HECW1: variants seen among roughly 807,000 people sequenced by gnomAD.
The protein encoded by HECW1 is E3 ubiquitin-protein ligase HECW1.
Under a neutral mutation model 182.3 loss-of-function variants are expected in HECW1, and 61 were observed. The ratio of observed to expected loss-of-function variants is 0.33; its 90% CI spans 0.27 to 0.41. The LOEUF (loss-of-function observed/expected upper bound fraction) is 0.41, where lower values mean the gene tolerates loss of function less well. Ranked by LOEUF, HECW1 falls within the 10% of genes least tolerant of loss-of-function variation. The pLI is 1.00. For synonymous variants in HECW1, 859 were observed against 832.6 expected, an observed-to-expected ratio of 1.03 and a Z score of -0.55; for missense variants, 1,739 against 2,108.9, an observed-to-expected ratio of 0.82 and a Z score of 3.44.
At chr7:43,228,414 G>A (rs1359217803) in intron 2 of HECW1, among the ~76,000 whole-genome samples, 4 of 152,088 alleles carry the variant, frequency 2.6e-5, no homozygotes, top group African/African-American at 9.7e-5. Flanking sequence ...AGTAGATAAG[G>A]CTTTAAAGAA....
chr7:43,343,901 C>T (rs1813342113), intron 5 of HECW1, among the ~76,000 whole-genome samples: 1 of 151,800 alleles, frequency 6.6e-6, no homozygotes, highest in South Asian at 2.1e-4. Context: ...TATTTCTCCA[C>T]ATCCTCTCCA....
chr7:43,332,709 G>C (rs1371213232), intron 5 of HECW1, among the ~76,000 whole-genome samples: 2 of 152,168 alleles, frequency 1.3e-5, no homozygotes, highest in Non-Finnish European at 2.9e-5. Context: ...TGCAAGGTCC[G>C]ACCCCTGGGC....
At chr7:43,116,465 G>T (rs1007400878) in intron 2 of HECW1, among the ~76,000 whole-genome samples, 1 of 152,182 alleles carries the variant, frequency 6.6e-6, no homozygotes, top group African/African-American at 2.4e-5. Flanking sequence ...CTCATTATTT[G>T]CTCAAGCAAC....
Position 43,243,761 on chromosome 7 carries a change from C to T in HECW1, c.-31-114C>T, listed in dbSNP as rs1799103378. On this transcript the variant is annotated intron_variant, in intron 2 of 29. Coordinates refer to ENST00000395891, the MANE Select transcript of HECW1 (RefSeq NM_015052.5). This position sits in a 1 kb window ranked among gnomAD's most constrained non-coding sequence, Gnocchi z 4.0. Reference sequence around the variant, plus strand: ...TTTTTCCTTTTGCACGTCGGTTGCCCAGGCCAGGTATCTTGGCGGGGGTGG... The same window carrying T: ...TTTTTCCTTTTGCACGTCGGTTGCCTAGGCCAGGTATCTTGGCGGGGGTGG... 3.7e-6 allele frequency: 3 copies of T among 818,150 alleles called. No homozygotes were observed. The highest frequency in any genetic ancestry group is 2.2e-4 in the Middle Eastern group (1 of 4,514). The allele number at this position is 818,150 out of a possible 1,614,324, so 50.7% of individuals were successfully genotyped here.
At chr7:43,168,390 G>A (rs370039800) in intron 2 of HECW1, among the ~76,000 whole-genome samples, 1 of 152,308 alleles carries the variant, frequency 6.6e-6, no homozygotes, top group African/African-American at 2.4e-5. Flanking sequence ...GGGCATGGTG[G>A]CTCACGCTTG....
chr7:43,416,319 G>C (rs1478123169), intron 8 of HECW1, among the ~76,000 whole-genome samples: 1 of 151,278 alleles, frequency 6.6e-6, no homozygotes, highest in African/African-American at 2.5e-5. Context: ...CTGCTGGGGG[G>C]TGCCTCCCAG....
Position 43,469,045 on chromosome 7 carries a change from C to A in HECW1, c.3039C>A (p.Phe1013Leu). ...ACTTGGTGAATTTCATCAACATGTT[C>A]GCAGACACTCGGCTGGAACTGCCCC... The part of the protein sequence containing the change: ...NRDLVNFINM[F>L]ADTRLELPRG... The change falls in exon 16 of 30, where the codon TTC becomes TTA. Residue 1013 changes from phenylalanine to leucine, a missense_variant. Phe to Leu is a conservative substitution (Grantham distance 22). Coordinates refer to ENST00000395891, the MANE Select transcript of HECW1 (RefSeq NM_015052.5). 6.2e-7 allele frequency: 1 copy of A among 1,614,188 alleles called. No individual in the cohort carries two copies. The highest frequency in any genetic ancestry group is 8.5e-7 in the Non-Finnish European group (1 of 1,180,034).
intron 11 of HECW1, among the ~76,000 whole-genome samples, chr7:43,447,301 A>G (rs898565821): frequency 4.6e-5 from 7 of 152,186 alleles, no homozygotes; most frequent in Non-Finnish European, 8.8e-5. Flanking sequence ...ACTTGGCTCA[A>G]TGTAAATTTA....
Position 43,438,153 on chromosome 7 carries a change from T to TG in HECW1, c.944+9dup. ...GGAGAGACACGCCATAGGGTAAACC[T>TG]GTGACTGAGATCTTACTATCACTAG... On this transcript the variant is annotated intron_variant, in intron 9 of 29. Transcript: ENST00000395891. 1 of 1,609,586 alleles carries TG rather than the reference T, an allele frequency of 6.2e-7. No homozygotes were observed. The highest frequency in any genetic ancestry group is 1.1e-5 in the South Asian group (1 of 90,536).
chr7:43,225,321 C>A (rs1797329078), intron 2 of HECW1, among the ~76,000 whole-genome samples: 1 of 151,998 alleles, frequency 6.6e-6, no homozygotes, highest in Non-Finnish European at 1.5e-5. Context: ...AGAATCAACT[C>A]TTCCCTTCCC....
chr7:43,488,744 G>A (rs1427465797), intron 17 of HECW1, among the ~76,000 whole-genome samples: 2 of 152,170 alleles, frequency 1.3e-5, no homozygotes, highest in African/African-American at 2.4e-5. Flanking sequence ...GGAGAAGGGC[G>A]TTTCCATCCA....
chr7:43,224,764 G>A (rs961965217), intron 2 of HECW1, among the ~76,000 whole-genome samples: 3 of 152,200 alleles, frequency 2.0e-5, no homozygotes, highest in East Asian at 1.9e-4. Context: ...GCAGTGAGCC[G>A]TGATTGCACC....
chr7:43,355,313 C>A (rs1293717051), intron 5 of HECW1, among the ~76,000 whole-genome samples: 1 of 152,142 alleles, frequency 6.6e-6, no homozygotes, highest in Non-Finnish European at 1.5e-5. Flanking sequence ...GGTGTGCAAT[C>A]TATTCATATC....
chr7:43,280,304 C>T (rs932747116), intron 3 of HECW1, among the ~76,000 whole-genome samples: 1 of 152,138 alleles, frequency 6.6e-6, no homozygotes, highest in African/African-American at 2.4e-5. Flanking sequence ...GGCGATTCCA[C>T]CACTGAACAC....
At chr7:43,511,432 C>T (rs534111127) in intron 24 of HECW1, 14 of 152,336 alleles carry the variant, frequency 9.2e-5, no homozygotes, top group African/African-American at 3.1e-4. Flanking sequence ...TGCCTCAGTC[C>T]CGAGAGTCCT....
At chr7:43,248,110 C>T (rs66542816) in intron 3 of HECW1, among the ~76,000 whole-genome samples, 50,375 of 151,102 alleles carry the variant, frequency 0.33, 11,298 homozygotes, top group African/African-American at 0.64. Context: ...AAGAGAAAGA[C>T]AAAGGAGAGG....
At chr7:43,171,114 T>C (rs2152667293) in intron 2 of HECW1, among the ~76,000 whole-genome samples, 1 of 152,350 alleles carries the variant, frequency 6.6e-6, no homozygotes, top group African/African-American at 2.4e-5. Context: ...TCTTCTCAAA[T>C]TTTAACTTAA....
rs761918945 is a variant in HECW1, at chr7:43,456,456, T to C, written c.2651+9T>C. 6.2e-7 allele frequency: 1 copy of C among 1,612,890 alleles called. No individual in the cohort carries two copies. The highest frequency in any genetic ancestry group is 1.3e-5 in the African/African-American group (1 of 74,858). On this transcript the variant is annotated intron_variant, in intron 13 of 29. Transcript: ENST00000395891. Reference sequence around the variant, plus strand: ...GAGCAACTCAACAGGCGGTTGGTGATCAGTATGCAATGAGCTCCCCTAAAC... The same window carrying C: ...GAGCAACTCAACAGGCGGTTGGTGACCAGTATGCAATGAGCTCCCCTAAAC...
intron 3 of HECW1, among the ~76,000 whole-genome samples, chr7:43,303,774 CAG>C (rs1023584532): frequency 7.2e-5 from 11 of 152,062 alleles, no homozygotes; most frequent in African/African-American, 2.4e-4. Context: ...AAGAGTTAGA[CAG>C]AGATGGTGGT....
Sources: allele counts gnomAD v4.1 joint callset (sites outside exome capture counted in the v4.1 genomes callset), GRCh38; gene constraint gnomAD v4.1.1; non-coding constraint Gnocchi (gnomAD v3.1); transcripts MANE v1.5; gene names NCBI Gene and HGNC (gene_info 2026-07-23, HGNC 2026-07-21).